The following ZNF804A variants were observed in gnomAD, a reference collection of about 807,000 sequenced individuals.
ZNF804A encodes the protein zinc finger protein 804A.
A neutral mutation model predicts 16.5 loss-of-function variants in ZNF804A; 2 were observed. The observed-to-expected ratio is 0.12, with a 90% CI of 0.05 to 0.38. ZNF804A has a LOEUF of 0.38. Among genes scored for constraint, ZNF804A ranks in the 10% least tolerant of loss-of-function variants. The probability of loss-of-function intolerance (pLI) is 0.99; values close to 1 mark genes in which losing one functional copy is unlikely to be tolerated. For missense variants in ZNF804A, 1,473 were observed against 1,390.7 expected (o/e 1.06, Z -0.94); for synonymous variants, 534 against 489.6 (o/e 1.09, Z -1.20).
intron 1 of ZNF804A, among the ~76,000 whole-genome samples, chr2:184,623,014 A>G (rs1691442092): frequency 6.6e-6 from 1 of 152,062 alleles, no homozygotes; most frequent in Admixed American, 6.6e-5. Flanking sequence ...CAAGAAAGGC[A>G]TTCCCTTTAT....
intron 1 of ZNF804A, among the ~76,000 whole-genome samples, chr2:184,816,964 T>G (rs1218811451): frequency 6.6e-6 from 1 of 152,024 alleles, no homozygotes; most frequent in Non-Finnish European, 1.5e-5. Context: ...GAAATATATC[T>G]TAAGTACTTC....
At chr2:184,701,761 A>G (rs1259319141) in intron 1 of ZNF804A, among the ~76,000 whole-genome samples, 3 of 151,964 alleles carry the variant, frequency 2.0e-5, no homozygotes, top group Admixed American at 1.3e-4. Flanking sequence ...GGAAAATGCT[A>G]TTACTGTAGA....
chr2:184,656,897 C>G, intron 1 of ZNF804A, among the ~76,000 whole-genome samples: 1 of 152,054 alleles, frequency 6.6e-6, no homozygotes, highest in East Asian at 1.9e-4. Context: ...TGTTCTCGAG[C>G]TCTTTCAAAA....
intron 1 of ZNF804A, among the ~76,000 whole-genome samples, chr2:184,669,789 AT>A (rs950019876): frequency 4.1e-5 from 6 of 147,260 alleles, no homozygotes; most frequent in Non-Finnish European, 6.0e-5. Context: ...CACTCAGAAT[AT>A]TTTTTTTCTC....
rs1443302549 is a variant in ZNF804A, at chr2:184,938,811, A to C, written c.3415A>C (p.Thr1139Pro). ...GTTTCTTTCCCAAATCCCAGCTCTC[A>C]CCAGAACCTCATTACCTCAGCTCTC... ...QQFLSQIPALTRTSLPQLSVG... is the reference protein window; with the variant it reads ...QQFLSQIPALPRTSLPQLSVG... The change falls in exon 4 of 4, where the codon ACC becomes CCC. Residue 1139 changes from threonine (T) to proline (P), a missense_variant. Thr to Pro is a conservative substitution (Grantham distance 38). Transcript: ENST00000302277. 1.2e-6 allele frequency: 2 copies of C among 1,613,560 alleles called. No homozygotes were observed. Among genetic ancestry groups the C allele is most frequent in the Non-Finnish European group, 1.7e-6 (2 of 1,179,838 alleles).
chr2:184,638,979 A>C (rs1333119717), intron 1 of ZNF804A, among the ~76,000 whole-genome samples: 1 of 152,000 alleles, frequency 6.6e-6, no homozygotes, highest in East Asian at 1.9e-4. Context: ...TTTCTCATCA[A>C]ATCACACTCT....
chr2:184,808,663 A>C (rs72903783), intron 1 of ZNF804A, among the ~76,000 whole-genome samples: 10,230 of 151,302 alleles, frequency 0.068, 362 homozygotes, highest in Middle Eastern at 0.12. Flanking sequence ...AAGACACACA[A>C]AAAAAAACTT....
intron 1 of ZNF804A, among the ~76,000 whole-genome samples, chr2:184,757,358 C>T (rs1373690441): frequency 6.6e-6 from 1 of 151,954 alleles, no homozygotes; most frequent in Non-Finnish European, 1.5e-5. Flanking sequence ...CACTAATTCT[C>T]ACCTCTTAAA....
chr2:184,630,712 A>G (rs1478855455), intron 1 of ZNF804A, among the ~76,000 whole-genome samples: 2 of 152,140 alleles, frequency 1.3e-5, no homozygotes, highest in African/African-American at 2.4e-5. Context: ...CCAGTTTATC[A>G]GGCTGCCAAA....
At chr2:184,861,660 T>C (rs1695801031) in intron 1 of ZNF804A, among the ~76,000 whole-genome samples, 1 of 152,188 alleles carries the variant, frequency 6.6e-6, no homozygotes, top group Non-Finnish European at 1.5e-5. Flanking sequence ...GTATATACCC[T>C]ACTAACAGTA....
At chr2:184,643,389 A>G (rs1326321435) in intron 1 of ZNF804A, among the ~76,000 whole-genome samples, 1 of 151,964 alleles carries the variant, frequency 6.6e-6, no homozygotes, top group Non-Finnish European at 1.5e-5. Context: ...CTTTTCTCAT[A>G]GTAATGTTGT....
At chr2:184,723,937 A>G (rs947754668) in intron 1 of ZNF804A, among the ~76,000 whole-genome samples, 35 of 151,908 alleles carry the variant, frequency 2.3e-4, no homozygotes, top group African/African-American at 7.9e-4. Flanking sequence ...ATTCTTAAAA[A>G]GTTAGTTGAC....
At chr2:184,824,329 C>G (rs1045469658) in intron 1 of ZNF804A, among the ~76,000 whole-genome samples, 4 of 152,038 alleles carry the variant, frequency 2.6e-5, no homozygotes, top group Non-Finnish European at 5.9e-5. Flanking sequence ...CAAACTTTGA[C>G]TCTAAATATT....
chr2:184,792,455 A>G lies in ZNF804A; in HGVS notation c.112-73914A>G, dbSNP rs72903746. On this transcript the variant is annotated intron_variant, in intron 1 of 3. Transcript: ENST00000302277. ...TCAGATCCTTTTTTGCCATCTGTTT[A>G]TCTTCTTTTGTGAGGTGCCTGTTCA... Among the ~76,000 whole-genome samples the G allele has an allele frequency of 6.6e-5, 10 of 152,208 alleles. No homozygotes were observed. The East Asian group carries it at 1.5e-3, about 23-fold the overall frequency.
intron 1 of ZNF804A, among the ~76,000 whole-genome samples, chr2:184,833,946 G>A (rs1389160069): frequency 6.6e-6 from 1 of 151,932 alleles, no homozygotes; most frequent in African/African-American, 2.4e-5. Context: ...GACTTCCTTT[G>A]TAAGTAATGA....
intron 1 of ZNF804A, among the ~76,000 whole-genome samples, chr2:184,860,948 C>G (rs7573801): frequency 6.6e-6 from 1 of 152,222 alleles, no homozygotes; most frequent in African/African-American, 2.4e-5. Flanking sequence ...GTGGGCCAGC[C>G]TTGTGCTGGA....
At chr2:184,869,006 A>G (rs1695929332) in intron 2 of ZNF804A, among the ~76,000 whole-genome samples, 2 of 152,018 alleles carry the variant, frequency 1.3e-5, no homozygotes, top group East Asian at 1.9e-4. Flanking sequence ...AAATGCTCTA[A>G]AGTTTGAAAC....
intron 1 of ZNF804A, among the ~76,000 whole-genome samples, chr2:184,841,085 C>T (rs1695429919): frequency 6.6e-6 from 1 of 152,122 alleles, no homozygotes; most frequent in African/African-American, 2.4e-5. Context: ...ACTTTGTTAT[C>T]CAGTCATCTG....
chr2:184,890,346 G>A (rs1162189591), intron 2 of ZNF804A, among the ~76,000 whole-genome samples: 3 of 152,136 alleles, frequency 2.0e-5, no homozygotes, highest in Non-Finnish European at 2.9e-5. Context: ...GGCTGCAGAA[G>A]CTCATTTGCC....
Sources: allele counts gnomAD v4.1 joint callset (sites outside exome capture counted in the v4.1 genomes callset), GRCh38; gene constraint gnomAD v4.1.1; transcripts MANE v1.5; gene names NCBI Gene and HGNC (gene_info 2026-07-23, HGNC 2026-07-21).